Variants in TM4SF4 observed in about 807,000 individuals in gnomAD.
TM4SF4 encodes the protein transmembrane 4 L6 family member 4.
Under a neutral mutation model 24.1 loss-of-function variants are expected in TM4SF4, and 24 were observed. The observed-to-expected ratio is 1.00, with a 90% CI of 0.72 to 1.40. The LOEUF is 1.40. Ranked by LOEUF, TM4SF4 falls within the 40% of genes most tolerant of loss-of-function variation. The pLI is 0.00. For missense variants in TM4SF4, 254 were observed against 254.2 expected (o/e 1.00, Z 0.01); for synonymous variants, 113 against 97.0 (o/e 1.17, Z -0.97).
chr3:149,502,977 T>A lies in TM4SF4; in HGVS notation c.*284T>A. On this transcript the variant is annotated 3_prime_UTR_variant, in exon 5 of 5. Coordinates refer to ENST00000305354, the MANE Select transcript of TM4SF4 (RefSeq NM_004617.4). ...TTCAAAGCATACTTTTCATGATTTT[T>A]TTATTACAAATGTAAAATGTATAAA... 1 of 339,524 alleles carries A rather than the reference T, an allele frequency of 2.9e-6. No homozygotes were observed. Among genetic ancestry groups the A allele is most frequent in the South Asian group, 6.2e-5 (1 of 16,242 alleles). 21.0% of individuals were successfully genotyped at this position (339,524 alleles called of 1,614,324 possible). A position where few individuals can be genotyped will look rare whatever the true frequency, so the allele number is the denominator to read the frequency against.
rs762776059 is a variant in TM4SF4 at position 149,474,952 on chromosome 3, C to T, written c.75C>T (p.Asn25=). Residue 25 remains asparagine, a synonymous_variant, in exon 1 of 5, where the codon AAC becomes AAT. Coordinates refer to ENST00000305354, the MANE Select transcript of TM4SF4 (RefSeq NM_004617.4). ...IPLAFFGFLA[N]ILLFFPGGKV... ...TTGCTTTTTTTGGCTTCCTGGCTAA[C>T]ATCCTGTTATTTTTTCCTGGAGGAA... 4.3e-6 allele frequency: 7 copies of T among 1,613,852 alleles called. No individual in the cohort carries two copies. In the African/African-American group the frequency reaches 8.0e-5, roughly 18 times the overall value.
chr3:149,484,494 C>T (rs893018285), intron 2 of TM4SF4, among the ~76,000 whole-genome samples: 1 of 152,118 alleles, frequency 6.6e-6, no homozygotes, highest in Non-Finnish European at 1.5e-5. Flanking sequence ...AGCGATTCTC[C>T]TGCCTCAGCC....
chr3:149,499,012 A>C (rs1255408250), intron 4 of TM4SF4, 101 bp downstream of exon 4: 1 of 1,300,658 alleles, frequency 7.7e-7, no homozygotes, highest in Non-Finnish European at 1.1e-6. Flanking sequence ...TGAAGGAATG[A>C]GGGGGTAAGT....
In TM4SF4 at chr3:149,487,737, G is replaced by T. The variant is rs750152109; in HGVS notation, c.383G>T (p.Gly128Val). ...PKCLMANSTW[G>V]YPFHDGDYLN... ...TGCCTCATGGCCAATAGTACATGGG[G>T]CTACCCCTTCCACGACGGGTAAGGC... The change falls in exon 3 of 5, where the codon GGC becomes GTC. Residue 128 changes from glycine to valine, a missense_variant. Coordinates refer to ENST00000305354, the MANE Select transcript of TM4SF4 (RefSeq NM_004617.4). 6 of 1,613,852 alleles carry T rather than the reference G, an allele frequency of 3.7e-6. No homozygotes were observed. In the African/African-American group the frequency reaches 6.7e-5, roughly 18 times the overall value.
At position 149,474,761 on chromosome 3, in the gene TM4SF4, A is replaced by G. The variant is rs75521378; in HGVS notation, c.-117A>G. On this transcript the variant is annotated 5_prime_UTR_variant, in exon 1 of 5. Transcript: ENST00000305354. ...CAGAAATTTGGTTCTCAGCCCCAAA[A>G]TACTGATTGAATTGGAGACAATTAC... 3,407 of 1,165,002 alleles carry G rather than the reference A, an allele frequency of 2.9e-3. 67 individuals are homozygous for G. The African/African-American group carries it at 0.045, about 15-fold the overall frequency. 72.2% of individuals were successfully genotyped at this position (1,165,002 alleles called of 1,614,324 possible).
At chr3:149,499,487 G>C (rs1734376155) in intron 4 of TM4SF4, among the ~76,000 whole-genome samples, 1 of 152,046 alleles carries the variant, frequency 6.6e-6, no homozygotes, top group African/African-American at 2.4e-5. Context: ...AATAAAAACA[G>C]ACTTGCAGAC....
intron 3 of TM4SF4, among the ~76,000 whole-genome samples, chr3:149,498,500 G>A (rs1455843673): frequency 1.3e-5 from 2 of 152,184 alleles, no homozygotes; most frequent in African/African-American, 2.4e-5. Context: ...GAATAAATGA[G>A]TGAATATGTG....
At chr3:149,492,694 T>G (rs1734233641) in intron 3 of TM4SF4, among the ~76,000 whole-genome samples, 1 of 152,158 alleles carries the variant, frequency 6.6e-6, no homozygotes, top group Admixed American at 6.5e-5. Flanking sequence ...GAGAGCACCC[T>G]CACATCTGTG....
At chr3:149,500,429 T>C (rs1734396484) in intron 4 of TM4SF4, among the ~76,000 whole-genome samples, 2 of 152,140 alleles carry the variant, frequency 1.3e-5, no homozygotes, top group South Asian at 4.1e-4. Flanking sequence ...AAAATGTGTG[T>C]ATTACAAATA....
intron 2 of TM4SF4, among the ~76,000 whole-genome samples, chr3:149,485,836 G>C (rs1479262129): frequency 6.6e-6 from 1 of 152,000 alleles, no homozygotes; most frequent in African/African-American, 2.4e-5. Context: ...ATGCATTATT[G>C]TATTAGAGGC....
intron 3 of TM4SF4, among the ~76,000 whole-genome samples, chr3:149,491,752 G>A (rs1282541461): frequency 6.6e-6 from 1 of 152,148 alleles, no homozygotes. Context: ...AGGAGTGCGG[G>A]GGGAAACTTC....
chr3:149,495,925 A>G (rs1160283083), intron 3 of TM4SF4: 1 of 246,648 alleles, frequency 4.1e-6, no homozygotes. Flanking sequence ...TCTGGGTGTC[A>G]TCAAAGCCAG....
rs1431817196 is a variant in TM4SF4 at position 149,487,633 on chromosome 3, G to A, written c.279G>A (p.Thr93=). 1.9e-6 allele frequency: 3 copies of A among 1,613,948 alleles called. No homozygotes were observed. The highest frequency in any genetic ancestry group is 2.5e-6 in the Non-Finnish European group (3 of 1,179,870). Residue 93 remains threonine, a synonymous_variant, in exon 3 of 5, where the codon ACG becomes ACA. Transcript: ENST00000305354. ...CTCTCTTTCAGATGTTCACCTCCACGATATTTGCTGTGGTTGGATTCTTGG... is the reference window on the plus strand; with the variant it reads ...CTCTCTTTCAGATGTTCACCTCCACAATATTTGCTGTGGTTGGATTCTTGG... The part of the protein sequence containing the change: ...CGKRFAMFTS[T]IFAVVGFLGA...
At chr3:149,494,002 A>G (rs570114581) in intron 3 of TM4SF4, among the ~76,000 whole-genome samples, 14 of 152,362 alleles carry the variant, frequency 9.2e-5, no homozygotes, top group African/African-American at 2.9e-4. Context: ...GGATTACTAC[A>G]GCTCAGGTGG....
At chr3:149,475,117 A>G in intron 1 of TM4SF4, 66 bp downstream of exon 1, 2 of 1,504,058 alleles carry the variant, frequency 1.3e-6, no homozygotes, top group Admixed American at 4.4e-5. Context: ...TTTTTAAATC[A>G]GGTACTTATT....
chr3:149,491,055 A>G (rs960836045), intron 3 of TM4SF4, among the ~76,000 whole-genome samples: 1 of 151,994 alleles, frequency 6.6e-6, no homozygotes, highest in Admixed American at 6.6e-5. Flanking sequence ...TCTTCCTCAT[A>G]AATCTGAGAA....
intron 4 of TM4SF4, 50 bp from the exon 5 acceptor site, chr3:149,502,626 A>C (rs1387155808): frequency 6.7e-7 from 1 of 1,496,134 alleles, no homozygotes. Context: ...AAAAGCAAAA[A>C]TTTACATAAA....
intron 2 of TM4SF4, among the ~76,000 whole-genome samples, chr3:149,482,901 G>A (rs1734059666): frequency 6.6e-6 from 1 of 152,156 alleles, no homozygotes; most frequent in Admixed American, 6.5e-5. Flanking sequence ...GTTATTCTAT[G>A]CTGGCTTTTT....
rs796150202 is a variant in TM4SF4 at position 149,495,511 on chromosome 3, G to A, written c.402-3211G>A. On this transcript the variant is annotated intron_variant, in intron 3 of 4. Transcript: ENST00000305354. ...CGTTACAACTAAAGTCTGTTGAAAT[G>A]CACCATGTTGCAAGCTCTTCCTGGG... 1.1e-4 allele frequency: 47 copies of A among 410,518 alleles called. 1 individual carries two copies. Among genetic ancestry groups the A allele is most frequent in the African/African-American group, 9.3e-4 (45 of 48,320 alleles). The allele number at this position is 410,518 out of a possible 1,614,324, so 25.4% of individuals were successfully genotyped here.
Sources: gnomAD v4.1 joint callset for allele counts (sites outside exome capture counted in the v4.1 genomes callset) on GRCh38, gnomAD v4.1.1 for gene constraint, MANE v1.5 for transcripts, NCBI Gene and HGNC (gene_info 2026-07-23, HGNC 2026-07-21) for gene names.